CNTNAP5: variants seen among roughly 807,000 people sequenced by gnomAD.
CNTNAP5 encodes the protein contactin-associated protein-like 5.
Under a neutral mutation model 150.2 loss-of-function variants are expected in CNTNAP5, and 72 were observed. The ratio of observed to expected loss-of-function variants is 0.48; its 90% confidence interval spans 0.40 to 0.58. The LOEUF (loss-of-function observed/expected upper bound fraction) is 0.58, where lower values mean the gene tolerates loss of function less well. CNTNAP5 is among the 20% of genes least tolerant of loss of function. The probability of loss-of-function intolerance (pLI) is 0.00; values close to 1 mark genes in which losing one functional copy is unlikely to be tolerated. For missense variants in CNTNAP5, 1,636 were observed against 1,626.2 expected, an observed-to-expected ratio of 1.01 and a Z score of -0.10; for synonymous variants, 672 against 619.8, an observed-to-expected ratio of 1.08 and a Z score of -1.25.
chr2:124,258,934 A>G (rs1170576), intron 3 of CNTNAP5, among the ~76,000 whole-genome samples: 120,249 of 149,618 alleles, frequency 0.8, 48,449 homozygotes, highest in South Asian at 0.88. Context: ...GTATACATGT[A>G]CCATGTTGGT....
chr2:124,485,468 C>A (rs1202594961), intron 7 of CNTNAP5, among the ~76,000 whole-genome samples: 3 of 151,782 alleles, frequency 2.0e-5, no homozygotes, highest in African/African-American at 7.3e-5. Context: ...AAAAAATTAA[C>A]CAGGCGTGGT....
intron 6 of CNTNAP5, among the ~76,000 whole-genome samples, chr2:124,459,969 G>C (rs1693209375): frequency 6.6e-6 from 1 of 152,050 alleles, no homozygotes; most frequent in African/African-American, 2.4e-5. Flanking sequence ...TATTGGTCAG[G>C]CTTTGGTCTT....
At chr2:124,793,501 T>C (rs908830071) in intron 18 of CNTNAP5, among the ~76,000 whole-genome samples, 1 of 152,228 alleles carries the variant, frequency 6.6e-6, no homozygotes, top group Non-Finnish European at 1.5e-5. Context: ...TTCTTCATAG[T>C]ATCTTTTGAA....
At chr2:124,911,353 T>C (rs1248409010) in intron 22 of CNTNAP5, 114 bp from the exon 23 acceptor site, 1 of 734,946 alleles carries the variant, frequency 1.4e-6, no homozygotes, top group Non-Finnish European at 2.4e-6. Context: ...CTCACAACTA[T>C]TTGAGGGCAC....
intron 3 of CNTNAP5, among the ~76,000 whole-genome samples, chr2:124,381,710 C>A (rs780527111): frequency 6.6e-6 from 1 of 151,988 alleles, no homozygotes; most frequent in African/African-American, 2.4e-5. Flanking sequence ...AGAGGTCGAG[C>A]GGGACCTACA....
intron 1 of CNTNAP5, among the ~76,000 whole-genome samples, chr2:124,100,392 A>G (rs988473799): frequency 6.6e-6 from 1 of 152,128 alleles, no homozygotes; most frequent in Admixed American, 6.5e-5. Flanking sequence ...TCACAAACCT[A>G]CTTTGCTTGT....
intron 3 of CNTNAP5, among the ~76,000 whole-genome samples, chr2:124,332,647 T>C (rs1689377984): frequency 6.6e-6 from 1 of 151,804 alleles, no homozygotes; most frequent in South Asian, 2.1e-4. Context: ...ACTCTAATGA[T>C]GTAGTTACCA....
chr2:124,818,021 T>C (rs1682402384), intron 19 of CNTNAP5, among the ~76,000 whole-genome samples: 1 of 152,132 alleles, frequency 6.6e-6, no homozygotes, highest in African/African-American at 2.4e-5. Context: ...CACTGCCCCG[T>C]GTTTTCACTT....
In CNTNAP5 at chr2:124,428,968, T is replaced by C. The variant is rs1201085447; in HGVS notation, c.530-5516T>C. Among the ~76,000 whole-genome samples the C allele has an allele frequency of 2.6e-5, 4 of 152,196 alleles. No individual in the cohort carries two copies. In the East Asian group the frequency reaches 7.7e-4, roughly 29 times the overall value. ...CCTTTTTACTCCTTTCTACACACTT[T>C]CTTTTTTTCCTTTTAAAAGAGAATC... is the stretch of plus-strand genomic sequence containing the variant. On this transcript the variant is annotated intron_variant, in intron 4 of 23. Transcript: ENST00000682447.
chr2:124,515,885 G>A (rs1694703323), intron 8 of CNTNAP5, among the ~76,000 whole-genome samples: 1 of 152,194 alleles, frequency 6.6e-6, no homozygotes, highest in Non-Finnish European at 1.5e-5. Context: ...CAACTAAGCA[G>A]TGTGATTTTC....
At chr2:124,701,651 C>T (rs1472088912) in intron 13 of CNTNAP5, among the ~76,000 whole-genome samples, 4 of 151,990 alleles carry the variant, frequency 2.6e-5, no homozygotes, top group Non-Finnish European at 5.9e-5. Context: ...ACAAGAGTTC[C>T]CTTCTATCCA....
chr2:124,912,385 G>C (rs1390613489), intron 23 of CNTNAP5, among the ~76,000 whole-genome samples: 2 of 152,012 alleles, frequency 1.3e-5, no homozygotes, highest in Non-Finnish European at 2.9e-5. Context: ...CTATGGGTCA[G>C]GCTCTGTGCT....
intron 19 of CNTNAP5, among the ~76,000 whole-genome samples, chr2:124,803,812 A>C (rs1432925622): frequency 6.6e-6 from 1 of 152,194 alleles, no homozygotes; most frequent in Non-Finnish European, 1.5e-5. Flanking sequence ...GGCAGTGGCT[A>C]GCCAGGGCTG....
chr2:124,121,352 C>G (rs4347847), intron 1 of CNTNAP5, among the ~76,000 whole-genome samples: 93,596 of 152,052 alleles, frequency 0.62, 29,140 homozygotes, highest in Admixed American at 0.66. Flanking sequence ...TCTCCAGCTG[C>G]TCTGTGGCAC....
chr2:124,914,452 C>T lies in CNTNAP5; in HGVS notation c.*164C>T, dbSNP rs1678721453. The T allele has an allele frequency of 4.8e-6, 3 of 620,392 alleles. No individual in the cohort carries two copies. The highest frequency in any genetic ancestry group is 1.9e-5 in the African/African-American group (1 of 53,754). 38.4% of individuals were successfully genotyped at this position (620,392 alleles called of 1,614,324 possible). A position where few individuals can be genotyped will look rare whatever the true frequency, so the allele number is the denominator to read the frequency against. ...CAGCATCAATTCCCTTGATCCAGCC[C>T]AAGAGACCAGGCAGCCATGGCCACT... is the stretch of plus-strand genomic sequence containing the variant. On this transcript the variant is annotated 3_prime_UTR_variant, in exon 24 of 24. Coordinates refer to ENST00000682447, the MANE Select transcript of CNTNAP5 (RefSeq NM_001367498.1).
intron 19 of CNTNAP5, among the ~76,000 whole-genome samples, chr2:124,864,987 A>T (rs1677599898): frequency 1.3e-5 from 2 of 152,080 alleles, no homozygotes; most frequent in Admixed American, 1.3e-4. Flanking sequence ...AGTAGAAAAG[A>T]TCTTAACTCT....
At chr2:124,815,032 A>G (rs7598727) in intron 19 of CNTNAP5, among the ~76,000 whole-genome samples, 142 of 152,212 alleles carry the variant, frequency 9.3e-4, no homozygotes, top group African/African-American at 3.2e-3. Flanking sequence ...CTGCTAGTCT[A>G]AATGAAAGCA....
intron 6 of CNTNAP5, among the ~76,000 whole-genome samples, chr2:124,448,069 C>A (rs1254308248): frequency 6.6e-6 from 1 of 151,902 alleles, no homozygotes; most frequent in Admixed American, 6.6e-5. Flanking sequence ...GAGATAGAGA[C>A]CATCCTGGCT....
intron 1 of CNTNAP5, among the ~76,000 whole-genome samples, chr2:124,149,361 G>A (rs894210063): frequency 1.5e-5 from 2 of 130,382 alleles, no homozygotes; most frequent in African/African-American, 2.9e-5. Context: ...GAAGGAACAT[G>A]CATTTGCTAG....
Sources: allele counts gnomAD v4.1 joint callset (sites outside exome capture counted in the v4.1 genomes callset), GRCh38; gene constraint gnomAD v4.1.1; transcripts MANE v1.5; gene names NCBI Gene and HGNC (gene_info 2026-07-23, HGNC 2026-07-21).